The following PCDH11Y variants were observed in gnomAD, a reference collection of about 807,000 sequenced individuals.
The protein encoded by PCDH11Y is protocadherin-11 Y-linked.
For missense variants in PCDH11Y, 12 were observed against 224.8 expected (o/e 0.05, Z 6.05); for synonymous variants, 9 against 83.6 (o/e 0.11, Z 4.87).
At chrY:5,335,755 A>AG in intron 2 of PCDH11Y, among the ~76,000 whole-genome samples, 1 of 30,447 alleles carries the variant, frequency 3.3e-5, no homozygotes, top group Admixed American at 3.1e-4. Context: ...AAAAAAAAAA[A>AG]AAAAAAATCA....
intron 2 of PCDH11Y, among the ~76,000 whole-genome samples, chrY:5,243,389 C>T (rs9785854): frequency 0.15 from 4,570 of 30,695 alleles, no homozygotes; most frequent in African/African-American, 0.54. Flanking sequence ...ACTACACCTT[C>T]GTTTATAATC....
At chrY:5,108,653 A>G, downstream of PCDH11Y, among the ~76,000 whole-genome samples, 1 of 27,935 alleles carries the variant, frequency 3.6e-5, no homozygotes, top group Non-Finnish European at 8.3e-5. Flanking sequence ...AGGCTGAGGC[A>G]GGAGAATGGC....
At chrY:5,633,657 G>A in intron 4 of PCDH11Y, among the ~76,000 whole-genome samples, 2 of 33,391 alleles carry the variant, frequency 6.0e-5, no homozygotes. Context: ...AGCACTTTGG[G>A]AGGCCGAGGC....
At chrY:5,429,460 A>G in intron 2 of PCDH11Y, among the ~76,000 whole-genome samples, 2 of 33,096 alleles carry the variant, frequency 6.0e-5, no homozygotes, top group Non-Finnish European at 1.5e-4. Context: ...ACACAGAGAC[A>G]GTTTGGATAT....
chrY:5,335,978 C>T (rs2053136049), intron 2 of PCDH11Y, among the ~76,000 whole-genome samples: 3 of 31,291 alleles, frequency 9.6e-5, no homozygotes, highest in African/African-American at 2.5e-4. Flanking sequence ...TAATGCTACT[C>T]GATTAAAATA....
At chrY:5,186,750 C>T (rs2052906581) in intron 2 of PCDH11Y, among the ~76,000 whole-genome samples, 1 of 26,763 alleles carries the variant, frequency 3.7e-5, no homozygotes, top group Non-Finnish European at 8.7e-5. Flanking sequence ...CGGCCCCTTC[C>T]AAATCTCATG....
At chrY:5,298,287 G>C in intron 2 of PCDH11Y, among the ~76,000 whole-genome samples, 1 of 33,566 alleles carries the variant, frequency 3.0e-5, no homozygotes, top group Non-Finnish European at 7.4e-5. Context: ...GAATGGGTCA[G>C]TTCTTTAGGG....
intron 1 of PCDH11Y, among the ~76,000 whole-genome samples, chrY:5,013,010 T>C: frequency 6.5e-5 from 2 of 30,951 alleles, no homozygotes; most frequent in Non-Finnish European, 1.6e-4. Flanking sequence ...CCACTGCGCC[T>C]GGCTAACTTT....
intron 4 of PCDH11Y, among the ~76,000 whole-genome samples, chrY:5,687,418 AC>A (rs2053564282): frequency 9.5e-5 from 3 of 31,423 alleles, no homozygotes; most frequent in Admixed American, 8.9e-4. Flanking sequence ...CCTGGCTAAC[AC>A]GGTGAAACCT....
At chrY:5,138,307 A>G (rs2052843429) in intron 2 of PCDH11Y, among the ~76,000 whole-genome samples, 29 of 33,162 alleles carry the variant, frequency 8.7e-4, no homozygotes, top group Admixed American at 7.5e-3. Context: ...AAAAAGTCTG[A>G]AAGAGCACAA....
intron 3 of PCDH11Y, among the ~76,000 whole-genome samples, chrY:5,521,178 G>GT (rs2053380433): frequency 3.1e-5 from 1 of 32,103 alleles, no homozygotes; most frequent in African/African-American, 1.2e-4. Flanking sequence ...GTTTGTTTCT[G>GT]TTTTTTGTTT....
At chrY:5,383,946 C>G (rs2124674636) in intron 2 of PCDH11Y, among the ~76,000 whole-genome samples, 1 of 33,222 alleles carries the variant, frequency 3.0e-5, no homozygotes, top group East Asian at 7.9e-4. Flanking sequence ...ATTTAGCAAA[C>G]TACACTTGCT....
chrY:5,123,449 T>C, intron 2 of PCDH11Y, among the ~76,000 whole-genome samples: 2 of 31,987 alleles, frequency 6.3e-5, no homozygotes, highest in African/African-American at 1.2e-4. Flanking sequence ...GCTCAGGTAA[T>C]TGGTAAGTGG....
chrY:5,213,095 A>G, intron 2 of PCDH11Y, among the ~76,000 whole-genome samples: 1 of 24,404 alleles, frequency 4.1e-5, no homozygotes, highest in Non-Finnish European at 9.2e-5. Flanking sequence ...TACATTACCT[A>G]TGATAATTAT....
At chrY:5,559,483 C>T in intron 3 of PCDH11Y, among the ~76,000 whole-genome samples, 4 of 32,648 alleles carry the variant, frequency 1.2e-4, no homozygotes, top group Non-Finnish European at 2.2e-4. Context: ...ATGTTATATG[C>T]AATGATATGG....
At chrY:5,504,817 T>A (rs2053357561) in intron 3 of PCDH11Y, among the ~76,000 whole-genome samples, 1 of 32,975 alleles carries the variant, frequency 3.0e-5, no homozygotes, top group Admixed American at 2.8e-4. Flanking sequence ...TATGCTCCTA[T>A]CTACTTATTT....
At chrY:5,686,286 T>C in intron 4 of PCDH11Y, among the ~76,000 whole-genome samples, 1 of 34,349 alleles carries the variant, frequency 2.9e-5, no homozygotes, top group Admixed American at 2.6e-4. Flanking sequence ...TTTTCTGGTC[T>C]ATACAGGCTC....
chrY:5,472,477 A>AT (rs2053314949), intron 2 of PCDH11Y, among the ~76,000 whole-genome samples: 2 of 31,985 alleles, frequency 6.3e-5, no homozygotes, highest in Admixed American at 2.9e-4. Flanking sequence ...TCTGGGCAGT[A>AT]TTTTTTTTAA....
At chrY:5,073,380 T>A in intron 1 of PCDH11Y, among the ~76,000 whole-genome samples, 2 of 32,947 alleles carry the variant, frequency 6.1e-5, no homozygotes, top group Non-Finnish European at 1.5e-4. Context: ...AAAAAAAAAA[T>A]TTCTCCTACT....
Sources: allele counts gnomAD v4.1 joint callset (sites outside exome capture counted in the v4.1 genomes callset), GRCh38; gene constraint gnomAD v4.1.1; transcripts MANE v1.5; gene names NCBI Gene and HGNC (gene_info 2026-07-23, HGNC 2026-07-21).